The following PCNX1 variants were observed in gnomAD, a reference collection of about 807,000 sequenced individuals.
PCNX1 encodes the protein pecanex-like protein 1.
In PCNX1, 78 loss-of-function variants were observed where a neutral mutation model predicts 242.2. The observed-to-expected ratio is 0.32, with a 90% CI of 0.27 to 0.39. PCNX1 has a LOEUF of 0.39. Among genes scored for constraint, PCNX1 ranks in the 10% least tolerant of loss-of-function variants. The pLI is 1.00. For synonymous variants in PCNX1, 1,024 were observed against 1,032.9 expected (o/e 0.99, Z 0.17); for missense variants, 2,581 against 2,856.5 (o/e 0.90, Z 2.20).
rs189070413 is a variant in PCNX1 at position 70,956,384 on chromosome 14, A to T, written c.363-5842A>T. Among the ~76,000 whole-genome samples, 112 of 151,986 alleles carry T rather than the reference A, an allele frequency of 7.4e-4. 2 individuals carry two copies. The highest frequency in any genetic ancestry group is 3.3e-3 in the Admixed American group (51 of 15,254). ...ACAGTGAGACTCTGTCTCTACCAAA[A>T]AAATAAATAAATAAATAAAAAATTA... On this transcript the variant is annotated intron_variant, in intron 2 of 35. Coordinates refer to ENST00000304743, the MANE Select transcript of PCNX1 (RefSeq NM_014982.3).
intron 2 of PCNX1, among the ~76,000 whole-genome samples, chr14:70,958,333 T>TC (rs2058069551): frequency 6.6e-6 from 1 of 152,188 alleles, no homozygotes; most frequent in Non-Finnish European, 1.5e-5. Context: ...TATGAGATAA[T>TC]TGATAATAAA....
intron 2 of PCNX1, among the ~76,000 whole-genome samples, chr14:70,952,110 C>T (rs1384093503): frequency 1.3e-5 from 2 of 152,156 alleles, no homozygotes; most frequent in Non-Finnish European, 2.9e-5. Flanking sequence ...GGAACTCTCT[C>T]ATAGGATTAT....
intron 5 of PCNX1, among the ~76,000 whole-genome samples, chr14:70,972,015 G>T (rs1161069437): frequency 2.6e-5 from 4 of 152,190 alleles, no homozygotes; most frequent in Non-Finnish European, 5.9e-5. Context: ...ATTAAAAGGG[G>T]CAAAAGTTGA....
At chr14:71,071,933 T>C (rs2061596910) in intron 26 of PCNX1, among the ~76,000 whole-genome samples, 1 of 151,950 alleles carries the variant, frequency 6.6e-6, no homozygotes, top group African/African-American at 2.4e-5. Context: ...GAGGGAGAGG[T>C]AGGGGAATGG....
At chr14:71,069,472 A>G (rs1286280850) in intron 26 of PCNX1, among the ~76,000 whole-genome samples, 2 of 152,192 alleles carry the variant, frequency 1.3e-5, no homozygotes, top group Admixed American at 6.6e-5. Flanking sequence ...ATAATATTGC[A>G]TATGTTTTTA....
chr14:70,931,881 T>C (rs374579062), intron 1 of PCNX1, among the ~76,000 whole-genome samples: 3 of 152,230 alleles, frequency 2.0e-5, no homozygotes, highest in African/African-American at 7.2e-5. Context: ...CCCAGCACTT[T>C]GGGAGGCCAA....
At chr14:71,050,511 A>C in intron 22 of PCNX1, 141 bp from the exon 23 acceptor site, 1 of 648,710 alleles carries the variant, frequency 1.5e-6, no homozygotes, top group Non-Finnish European at 2.5e-6. Flanking sequence ...TTTTCCTGTT[A>C]TGTAAATGGC....
chr14:71,050,450 T>C (rs150170275), intron 22 of PCNX1, among the ~76,000 whole-genome samples: 330 of 152,350 alleles, frequency 2.2e-3, no homozygotes, highest in Admixed American at 3.9e-3. Flanking sequence ...TCTTTACTTA[T>C]AAAGTATCTT....
intron 8 of PCNX1, among the ~76,000 whole-genome samples, chr14:71,007,857 T>C (rs1164625789): frequency 6.6e-6 from 1 of 152,088 alleles, no homozygotes; most frequent in Non-Finnish European, 1.5e-5. Flanking sequence ...CAGTGATACA[T>C]CTATGAAGTA....
At chr14:70,993,493 T>C (rs1053109416) in intron 7 of PCNX1, among the ~76,000 whole-genome samples, 1 of 152,210 alleles carries the variant, frequency 6.6e-6, no homozygotes, top group African/African-American at 2.4e-5. Context: ...TATAATCACA[T>C]GGATTCTGGC....
At chr14:71,038,365 A>G (rs1468322982) in intron 19 of PCNX1, among the ~76,000 whole-genome samples, 5 of 136,786 alleles carry the variant, frequency 3.7e-5, no homozygotes, top group Non-Finnish European at 7.9e-5. Context: ...AATGAACTCA[A>G]ACAAATTTAC....
At chr14:71,082,446 CAGT>C (rs1595462475) in intron 28 of PCNX1, among the ~76,000 whole-genome samples, 3 of 152,206 alleles carry the variant, frequency 2.0e-5, no homozygotes, top group East Asian at 3.9e-4. Flanking sequence ...CTAATATTGA[CAGT>C]GGGGTGTTAA....
chr14:71,090,102 A>T (rs140404953), intron 30 of PCNX1, among the ~76,000 whole-genome samples: 5 of 152,312 alleles, frequency 3.3e-5, no homozygotes, highest in African/African-American at 1.2e-4. Flanking sequence ...CAGGAATGTT[A>T]CAAGTGCTGC....
At chr14:71,019,840 A>G (rs894800087) in intron 12 of PCNX1, among the ~76,000 whole-genome samples, 1 of 151,984 alleles carries the variant, frequency 6.6e-6, no homozygotes, top group Non-Finnish European at 1.5e-5. Flanking sequence ...TACACATGCC[A>G]TGGTGGCATC....
chr14:70,941,482 T>C (rs2057240377), intron 1 of PCNX1, among the ~76,000 whole-genome samples: 2 of 152,204 alleles, frequency 1.3e-5, no homozygotes, highest in African/African-American at 2.4e-5. Context: ...GCTTGATCCT[T>C]CCTCTGGAAG....
intron 12 of PCNX1, among the ~76,000 whole-genome samples, chr14:71,022,249 A>T (rs1241628629): frequency 6.6e-6 from 1 of 152,134 alleles, no homozygotes; most frequent in African/African-American, 2.4e-5. Flanking sequence ...GCCCTAAATC[A>T]TTTAAATTCA....
chr14:71,068,035 T>TA (rs1310792265), intron 26 of PCNX1, among the ~76,000 whole-genome samples: 9 of 152,010 alleles, frequency 5.9e-5, no homozygotes, highest in Admixed American at 5.9e-4. Flanking sequence ...TATCAAAATG[T>TA]GACTAAGTGG....
intron 1 of PCNX1, among the ~76,000 whole-genome samples, chr14:70,933,821 G>T (rs1042714289): frequency 6.6e-6 from 1 of 152,190 alleles, no homozygotes; most frequent in Non-Finnish European, 1.5e-5. Flanking sequence ...AGTATTAGAA[G>T]TTAGTTGACA....
At chr14:71,021,069 G>C (rs1057159157) in intron 12 of PCNX1, among the ~76,000 whole-genome samples, 3 of 152,168 alleles carry the variant, frequency 2.0e-5, no homozygotes, top group African/African-American at 7.2e-5. Flanking sequence ...TCAGGTGGTT[G>C]TAGATGTGTG....
Sources: gnomAD v4.1 joint callset for allele counts (sites outside exome capture counted in the v4.1 genomes callset) on GRCh38, gnomAD v4.1.1 for gene constraint, MANE v1.5 for transcripts, NCBI Gene and HGNC (gene_info 2026-07-23, HGNC 2026-07-21) for gene names.